TP63: variants seen among roughly 807,000 people sequenced by gnomAD.
TP63 encodes tumor protein p63, also known as tumor protein 63.
In TP63, 17 loss-of-function variants were observed where a neutral mutation model predicts 82.8. The ratio of observed to expected loss-of-function variants is 0.21; its 90% CI spans 0.14 to 0.31. TP63 has a LOEUF of 0.31. TP63 is among the 10% of genes least tolerant of loss of function. The probability of loss-of-function intolerance (pLI) is 1.00; values close to 1 mark genes in which losing one functional copy is unlikely to be tolerated. For synonymous variants in TP63, 330 were observed against 321.7 expected, an observed-to-expected ratio of 1.03 and a Z score of -0.28; for missense variants, 648 against 895.3, an observed-to-expected ratio of 0.72 and a Z score of 3.52.
chr3:189,827,805 G>C (rs1320159322), intron 4 of TP63, among the ~76,000 whole-genome samples: 1 of 152,148 alleles, frequency 6.6e-6, no homozygotes. Context: ...CTCTAGTCCT[G>C]CAAGTGTTAA....
chr3:189,767,177 ATTTATC>A (rs1217629112), intron 3 of TP63, among the ~76,000 whole-genome samples: 4 of 152,170 alleles, frequency 2.6e-5, no homozygotes, highest in Non-Finnish European at 5.9e-5. Flanking sequence ...ATACTTCAAA[ATTTATC>A]TTTATTATTT....
chr3:189,709,819 T>C (rs139352375), intron 1 of TP63, among the ~76,000 whole-genome samples: 2 of 152,296 alleles, frequency 1.3e-5, no homozygotes, highest in East Asian at 1.9e-4. Flanking sequence ...AGGGATGATA[T>C]AACTCAGGAT....
At chr3:189,836,309 T>C (rs1344816814) in intron 4 of TP63, among the ~76,000 whole-genome samples, 1 of 152,162 alleles carries the variant, frequency 6.6e-6, no homozygotes, top group Non-Finnish European at 1.5e-5. Flanking sequence ...CCCAAAGTGT[T>C]GGAGGTTTAC....
At chr3:189,679,140 G>A (rs762694713) in intron 1 of TP63, among the ~76,000 whole-genome samples, 1 of 151,946 alleles carries the variant, frequency 6.6e-6, no homozygotes, top group Non-Finnish European at 1.5e-5. Flanking sequence ...CATTTATTCT[G>A]TATGTGCATT....
intron 3 of TP63, among the ~76,000 whole-genome samples, chr3:189,777,054 T>C (rs1723857668): frequency 3.3e-5 from 5 of 152,202 alleles, no homozygotes. Context: ...AGCTGAAGTA[T>C]ATTTCTCATA....
chr3:189,713,046 C>T (rs1718707052), intron 1 of TP63, among the ~76,000 whole-genome samples: 1 of 152,116 alleles, frequency 6.6e-6, no homozygotes, highest in South Asian at 2.1e-4. Context: ...TGGGAATTCT[C>T]CCAGACCACC....
the TP63 span, among the ~76,000 whole-genome samples, chr3:189,612,501 G>A: frequency 6.6e-6 from 1 of 151,954 alleles, no homozygotes; most frequent in Non-Finnish European, 1.5e-5. Flanking sequence ...TCCTTTCTTT[G>A]TAAATTGCCC....
intron 3 of TP63, among the ~76,000 whole-genome samples, chr3:189,755,669 T>C (rs1342652823): frequency 2.6e-5 from 4 of 152,188 alleles, no homozygotes; most frequent in African/African-American, 9.6e-5. Flanking sequence ...TTGGGTAAAA[T>C]TGTATAAACA....
rs551794794 is a variant in TP63, at chr3:189,672,054, A to C, written c.62+40477A>C. Among the ~76,000 whole-genome samples, 8 of 152,258 alleles carry C rather than the reference A, an allele frequency of 5.3e-5. No individual in the cohort carries two copies. The South Asian group carries it at 6.2e-4, about 12-fold the overall frequency. On this transcript the variant is annotated intron_variant, in intron 1 of 13. Transcript: ENST00000264731. ...TAGAAGAGAAGATTTTTGAATGTTC[A>C]CAACACAAAGAAATGATAAATGTTT... is the stretch of plus-strand genomic sequence containing the variant.
At chr3:189,645,316 CT>C (rs894997976) in intron 1 of TP63, 11 of 508,242 alleles carry the variant, frequency 2.2e-5, no homozygotes, top group East Asian at 6.5e-5. Flanking sequence ...TCTTTGGTTC[CT>C]TTTCCACTTT....
intron 3 of TP63, among the ~76,000 whole-genome samples, chr3:189,781,987 G>C (rs12488121): frequency 6.6e-6 from 1 of 152,002 alleles, no homozygotes; most frequent in South Asian, 2.1e-4. Context: ...ACTAAATCCA[G>C]TTAACAGGTT....
At chr3:189,794,481 T>C (rs1271451349) in intron 3 of TP63, among the ~76,000 whole-genome samples, 1 of 151,962 alleles carries the variant, frequency 6.6e-6, no homozygotes, top group African/African-American at 2.4e-5. Flanking sequence ...TTCCAAGTTC[T>C]AGAAATATAA....
the TP63 span, among the ~76,000 whole-genome samples, chr3:189,615,762 A>G: frequency 3.9e-3 from 592 of 152,242 alleles, 3 homozygotes; most frequent in African/African-American, 0.014. Flanking sequence ...CTTCCTCATG[A>G]AGTAGATGCC....
chr3:189,729,050 G>T (rs902674398), intron 1 of TP63, among the ~76,000 whole-genome samples: 39 of 152,270 alleles, frequency 2.6e-4, no homozygotes, highest in Non-Finnish European at 4.7e-4. Context: ...CACAAAAGGA[G>T]TAACCTAATG....
At chr3:189,874,406 T>TG (rs1368977131) in intron 10 of TP63, among the ~76,000 whole-genome samples, 1 of 152,136 alleles carries the variant, frequency 6.6e-6, no homozygotes, top group Non-Finnish European at 1.5e-5. Context: ...AATGTATCTC[T>TG]GATAGTAAAG....
chr3:189,625,453 T>A, the TP63 span, among the ~76,000 whole-genome samples: 1 of 149,490 alleles, frequency 6.7e-6, no homozygotes, highest in Non-Finnish European at 1.5e-5. Context: ...TAAAAGATAC[T>A]AAAAAAAAAA....
chr3:189,662,782 A>G (rs1174517392), intron 1 of TP63, among the ~76,000 whole-genome samples: 2 of 152,050 alleles, frequency 1.3e-5, no homozygotes, highest in Non-Finnish European at 2.9e-5. Context: ...ATGGGGATGA[A>G]GAGAACATGT....
At chr3:189,840,976 C>G (rs577479892) in intron 4 of TP63, among the ~76,000 whole-genome samples, 21 of 151,380 alleles carry the variant, frequency 1.4e-4, no homozygotes, top group African/African-American at 5.1e-4. Flanking sequence ...ATGCTATATA[C>G]TGTTGTAGGT....
chr3:189,720,643 A>G (rs967145918), intron 1 of TP63, among the ~76,000 whole-genome samples: 3 of 151,566 alleles, frequency 2.0e-5, no homozygotes, highest in African/African-American at 7.3e-5. Flanking sequence ...CTGAGGCAGG[A>G]TAATCACTTG....
Sources: gnomAD v4.1 joint callset for allele counts (sites outside exome capture counted in the v4.1 genomes callset) on GRCh38, gnomAD v4.1.1 for gene constraint, MANE v1.5 for transcripts, NCBI Gene and HGNC (gene_info 2026-07-23, HGNC 2026-07-21) for gene names.